The following TUSC2 variants were observed in gnomAD, a reference collection of about 807,000 sequenced individuals.
The protein encoded by TUSC2 is tumor suppressor 2, mitochondrial calcium regulator.
A neutral mutation model predicts 11.5 loss-of-function variants in TUSC2; 7 were observed. That is an observed-to-expected ratio of 0.61 (90% CI 0.35 to 1.14). The LOEUF is 1.14. TUSC2 is among the 50% of genes most tolerant of loss of function. TUSC2 has a pLI of 0.03. For missense variants in TUSC2, 132 were observed against 155.0 expected (o/e 0.85, Z 0.79); for synonymous variants, 61 against 64.1 (o/e 0.95, Z 0.23).
In TUSC2 at chr3:50,328,132, G is replaced by T; in HGVS notation, c.-33C>A. 1 of 1,363,462 alleles carries T rather than the reference G, an allele frequency of 7.3e-7. No individual in the cohort carries two copies. Among genetic ancestry groups the T allele is most frequent in the East Asian group, 3.1e-5 (1 of 32,670 alleles). 84.5% of individuals were successfully genotyped at this position (1,363,462 alleles called of 1,614,324 possible). A position where few individuals can be genotyped will look rare whatever the true frequency, so the allele number is the denominator to read the frequency against. ...CCGCCGGCGCATGGCGGGCCCCGTG[G>T]CCGCTCTGCTCACACCGCAGTCCGC... On this transcript the variant is annotated 5_prime_UTR_variant, in exon 1 of 3. Coordinates refer to ENST00000232496, the MANE Select transcript of TUSC2 (RefSeq NM_007275.3).
At chr3:50,327,613 A>G (rs1173103037) in intron 1 of TUSC2, among the ~76,000 whole-genome samples, 8 of 152,046 alleles carry the variant, frequency 5.3e-5, no homozygotes, top group Non-Finnish European at 8.8e-5. Context: ...ACTGGGGGGG[A>G]AAGGGAGGCT....
rs1553717265 is a variant in TUSC2, at chr3:50,325,715, G to T, written c.*406C>A. 2 of 237,158 alleles carry T rather than the reference G, an allele frequency of 8.4e-6. No homozygotes were observed. The highest frequency in any genetic ancestry group is 1.7e-5 in the Non-Finnish European group (2 of 117,894). 14.7% of individuals were successfully genotyped at this position (237,158 alleles called of 1,614,324 possible). A position where few individuals can be genotyped will look rare whatever the true frequency, so the allele number is the denominator to read the frequency against. On this transcript the variant is annotated 3_prime_UTR_variant, in exon 3 of 3. Coordinates refer to ENST00000232496, the MANE Select transcript of TUSC2 (RefSeq NM_007275.3). This position sits in a 1 kb window ranked among gnomAD's most constrained non-coding sequence, Gnocchi z 5.1. ...TTCCTACTTGTATACAGTGCCCACA[G>T]CCTAGGGGCTGGAAGAAAGCATACC...
chr3:50,325,978 G>T lies in TUSC2; in HGVS notation c.*143C>A. On this transcript the variant is annotated 3_prime_UTR_variant, in exon 3 of 3. Transcript: ENST00000232496. This position sits in a 1 kb window ranked among gnomAD's most constrained non-coding sequence, Gnocchi z 5.1. ...CCAACCAATACTGTGGGACCGACCC[G>T]CTCACAGCTGAAGGTTATGGGCCAA... is the stretch of plus-strand genomic sequence containing the variant. 1 of 1,043,984 alleles carries T rather than the reference G, an allele frequency of 9.6e-7. No homozygotes were observed. The highest frequency in any genetic ancestry group is 1.4e-6 in the Non-Finnish European group (1 of 708,570). 64.7% of individuals were successfully genotyped at this position (1,043,984 alleles called of 1,614,324 possible).
At chr3:50,326,885 T>C (rs781828444) in intron 1 of TUSC2, 4 of 322,344 alleles carry the variant, frequency 1.2e-5, no homozygotes, top group Non-Finnish European at 2.4e-5. Context: ...CCCAAAGTGT[T>C]AGGATTACAG....
At position 50,325,973 on chromosome 3, in the gene TUSC2, G is replaced by A. The variant is rs374675680; in HGVS notation, c.*148C>T. ...AACACCCAACCAATACTGTGGGACCGACCCGCTCACAGCTGAAGGTTATGG... is the reference window on the plus strand; with the variant it reads ...AACACCCAACCAATACTGTGGGACCAACCCGCTCACAGCTGAAGGTTATGG... On this transcript the variant is annotated 3_prime_UTR_variant, in exon 3 of 3. Transcript: ENST00000232496. The surrounding 1 kb of genome is among the most constrained non-coding windows in gnomAD (Gnocchi z 5.1). 81 of 998,152 alleles carry A rather than the reference G, an allele frequency of 8.1e-5. 1 individual carries two copies. Among genetic ancestry groups the A allele is most frequent in the South Asian group, 7.6e-4 (48 of 63,010 alleles). The allele number at this position is 998,152 out of a possible 1,614,324, so 61.8% of individuals were successfully genotyped here. A position where few individuals can be genotyped will look rare whatever the true frequency, so the allele number is the denominator to read the frequency against.
intron 1 of TUSC2, among the ~76,000 whole-genome samples, chr3:50,327,418 G>C (rs587702354): frequency 3.9e-5 from 6 of 152,296 alleles, no homozygotes; most frequent in South Asian, 4.1e-4. Flanking sequence ...GACTGGGCTG[G>C]GGGTTGGGTG....
chr3:50,327,891 C>A, intron 1 of TUSC2, 63 bp downstream of exon 1: 1 of 1,385,996 alleles, frequency 7.2e-7, no homozygotes, highest in Non-Finnish European at 9.4e-7. Context: ...GAAGTTCCCC[C>A]GTGGCGCGGG....
Position 50,326,357 on chromosome 3 carries a change from C to T in TUSC2, c.267G>A (p.Gln89=). ...CTGTGACCGCTGCCCAGCCCCTCAC[C>T]TGAGGAATCAGATTCTTATGCACTC... ...LRRVHKNLIP[Q]GIVKLDHPRI... is the part of the protein sequence containing the mutation. Residue 89 remains glutamine (Q), a splice_region_variant and synonymous_variant, in exon 2 of 3, where the codon CAG becomes CAA. Coordinates refer to ENST00000232496, the MANE Select transcript of TUSC2 (RefSeq NM_007275.3). 1 of 1,613,880 alleles carries T rather than the reference C, an allele frequency of 6.2e-7. No homozygotes were observed. The highest frequency in any genetic ancestry group is 8.5e-7 in the Non-Finnish European group (1 of 1,179,980).
chr3:50,324,990 C>T lies in TUSC2; in HGVS notation c.*1131G>A, dbSNP rs1553717196. 2 of 152,498 alleles carry T rather than the reference C, an allele frequency of 1.3e-5. No individual in the cohort carries two copies. Among genetic ancestry groups the T allele is most frequent in the Non-Finnish European group, 2.9e-5 (2 of 68,032 alleles). The allele number at this position is 152,498 out of a possible 1,614,324, so 9.4% of individuals were successfully genotyped here. On this transcript the variant is annotated 3_prime_UTR_variant, in exon 3 of 3. Transcript: ENST00000232496. ...AAGCTAGGGGCCATCCTCCCCAAGC[C>T]ATTTCCCACATTATAGAAGCACAGA...
chr3:50,326,086 G>A lies in TUSC2; in HGVS notation c.*35C>T. The A allele has an allele frequency of 6.4e-7, 1 of 1,559,578 alleles. No homozygotes were observed. Among genetic ancestry groups the A allele is most frequent in the Non-Finnish European group, 8.7e-7 (1 of 1,151,182 alleles). On this transcript the variant is annotated 3_prime_UTR_variant, in exon 3 of 3. Transcript: ENST00000232496. ...GATTGAGCCTGGGAGTTTCTTGCCGGGGCAGGGGGTGCTTCTGTCTGCCAC... is the reference window on the plus strand; with the variant it reads ...GATTGAGCCTGGGAGTTTCTTGCCGAGGCAGGGGGTGCTTCTGTCTGCCAC...
At position 50,326,395 on chromosome 3, in the gene TUSC2, C is replaced by T; in HGVS notation, c.229G>A (p.Ala77Thr). The stretch of plus-strand genomic sequence containing the variant: ...TTCTTATGCACTCGCCTCAGCTTGG[C>T]CCGCTTCTGCCCGTTCTTGGTGACG... ...TIVTKNGQKR[A>T]KLRRVHKNLI... The change falls in exon 2 of 3, where the codon GCC becomes ACC. Residue 77 changes from alanine (A) to threonine (T), a missense_variant. This residue lies in a region of TUSC2 where 65 missense variants were observed against 94.0 expected (regional missense o/e 0.69). Transcript: ENST00000232496. 1 of 1,613,966 alleles carries T rather than the reference C, an allele frequency of 6.2e-7. No homozygotes were observed. The highest frequency in any genetic ancestry group is 1.1e-5 in the South Asian group (1 of 91,062).
chr3:50,326,573 C>G, intron 1 of TUSC2, 96 bp from the exon 2 acceptor site: 1 of 1,537,496 alleles, frequency 6.5e-7, no homozygotes, highest in Non-Finnish European at 8.8e-7. Context: ...TCTTCCCAAC[C>G]CCAAGTGGGA....
Position 50,325,705 on chromosome 3 carries a change from A to G in TUSC2, c.*416T>C. 4.8e-6 allele frequency: 1 copy of G among 209,588 alleles called. No individual in the cohort carries two copies. 13.0% of individuals were successfully genotyped at this position (209,588 alleles called of 1,614,324 possible). On this transcript the variant is annotated 3_prime_UTR_variant, in exon 3 of 3. Coordinates refer to ENST00000232496, the MANE Select transcript of TUSC2 (RefSeq NM_007275.3). This position sits in a 1 kb window ranked among gnomAD's most constrained non-coding sequence, Gnocchi z 5.1. ...GGAAAGGAAGTTCCTACTTGTATAC[A>G]GTGCCCACAGCCTAGGGGCTGGAAG...
chr3:50,326,936 C>T (rs140286565), intron 1 of TUSC2: 133 of 328,282 alleles, frequency 4.1e-4, no homozygotes, highest in African/African-American at 2.7e-3. Flanking sequence ...GAATCCTTTG[C>T]CTGGGGTTTG....
chr3:50,327,963 G>T lies in TUSC2; in HGVS notation c.137C>A (p.Thr46Lys). Residue 46 changes from threonine (T) to lysine (K), a missense_variant, in exon 1 of 3, where the codon ACG (threonine) becomes AAG (lysine). By Grantham distance (78) the Thr-to-Lys change is moderately conservative. Around this residue, in one of 3 missense-constraint regions of TUSC2, gnomAD observed 65 missense variants for 94.0 expected, o/e 0.69. Coordinates refer to ENST00000232496, the MANE Select transcript of TUSC2 (RefSeq NM_007275.3). ...RGRAVPPFVF[T>K]RRGSMFYDED... Reference sequence around the variant, plus strand: ...GAACCCATGCCCTTACCCGCGGCGCGTGAATACGAAGGGGGGCACAGCTCG... The same window carrying T: ...GAACCCATGCCCTTACCCGCGGCGCTTGAATACGAAGGGGGGCACAGCTCG... 6.5e-7 allele frequency: 1 copy of T among 1,539,126 alleles called. No homozygotes were observed.
Position 50,325,978 on chromosome 3 carries a change from G to A in TUSC2, c.*143C>T, listed in dbSNP as rs192676043. On this transcript the variant is annotated 3_prime_UTR_variant, in exon 3 of 3. Transcript: ENST00000232496. The surrounding 1 kb of genome is among the most constrained non-coding windows in gnomAD (Gnocchi z 5.1). ...CCAACCAATACTGTGGGACCGACCC[G>A]CTCACAGCTGAAGGTTATGGGCCAA... The A allele has an allele frequency of 7.6e-4, 790 of 1,043,980 alleles. 4 individuals are homozygous for A. In the African/African-American group the frequency reaches 0.011, roughly 14 times the overall value. The allele number at this position is 1,043,980 out of a possible 1,614,324, so 64.7% of individuals were successfully genotyped here. A position where few individuals can be genotyped will look rare whatever the true frequency, so the allele number is the denominator to read the frequency against.
chr3:50,327,541 G>A (rs1553717522), intron 1 of TUSC2, among the ~76,000 whole-genome samples: 1 of 152,172 alleles, frequency 6.6e-6, no homozygotes, highest in Admixed American at 6.5e-5. Context: ...ACGCTCAAAG[G>A]TTCAGCCCCA....
chr3:50,326,719 G>A (rs1000838885), intron 1 of TUSC2, among the ~76,000 whole-genome samples: 13 of 152,146 alleles, frequency 8.5e-5, no homozygotes, highest in African/African-American at 3.1e-4. Context: ...CTGGGTTCAA[G>A]CAATTCTCCT....
chr3:50,327,013 GAA>G, intron 1 of TUSC2: 3 of 365,516 alleles, frequency 8.2e-6, no homozygotes, highest in South Asian at 6.0e-5. Flanking sequence ...AGACCCCCAA[GAA>G]GAGAGCCCAC....
Sources: gnomAD v4.1 joint callset for allele counts (sites outside exome capture counted in the v4.1 genomes callset) on GRCh38, gnomAD v4.1.1 for gene constraint, gnomAD v4.1.1 regional missense constraint, Gnocchi (gnomAD v3.1) non-coding constraint, MANE v1.5 for transcripts, NCBI Gene and HGNC (gene_info 2026-07-23, HGNC 2026-07-21) for gene names.